Variants in RAB36 observed in about 807,000 individuals in gnomAD.
RAB36 encodes ras-related protein Rab-36.
Under a neutral mutation model 39.3 loss-of-function variants are expected in RAB36, and 33 were observed. The observed-to-expected ratio is 0.84, with a 90% CI of 0.64 to 1.12. The LOEUF (loss-of-function observed/expected upper bound fraction) is 1.12. RAB36 is among the 50% of genes most tolerant of loss of function. RAB36 has a pLI of 0.00. For synonymous variants in RAB36, 133 were observed against 140.2 expected (o/e 0.95, Z 0.36); for missense variants, 308 against 355.3 (o/e 0.87, Z 1.07).
intron 1 of RAB36, 143 bp downstream of exon 1, chr22:23,145,694 G>C (rs1031914016): frequency 1.4e-4 from 145 of 1,066,182 alleles, no homozygotes; most frequent in Non-Finnish European, 1.3e-4. Flanking sequence ...GCCCCGGGGC[G>C]TCCTCATTTC....
chr22:23,150,128 C>T lies in RAB36; in HGVS notation c.135C>T (p.Cys45=). 3 of 1,612,318 alleles carry T rather than the reference C, an allele frequency of 1.9e-6. No individual in the cohort carries two copies. Among genetic ancestry groups the T allele is most frequent in the East Asian group, 2.2e-5 (1 of 44,808 alleles). Residue 45 remains cysteine (C), a synonymous_variant, in exon 3 of 11, where the codon TGC becomes TGT. Coordinates refer to ENST00000263116, the MANE Select transcript of RAB36 (RefSeq NM_004914.5). ...TCCACGGGCAGGTCAGCGCTGCCTGCCAACGCAGGAACACGGGGACTGTCG... is the reference window on the plus strand; with the variant it reads ...TCCACGGGCAGGTCAGCGCTGCCTGTCAACGCAGGAACACGGGGACTGTCG... ...EHFHGQVSAA[C]QRRNTGTVGL...
intron 2 of RAB36, among the ~76,000 whole-genome samples, chr22:23,149,206 C>CG (rs1555946432): frequency 4.0e-5 from 1 of 25,230 alleles, no homozygotes; most frequent in Non-Finnish European, 6.6e-5. Flanking sequence ...GGGTGGGGGG[C>CG]GGGGGGCGGG....
At position 23,162,558 on chromosome 22, in the gene RAB36, C is replaced by T. The variant is rs773666968; in HGVS notation, c.*994C>T. On this transcript the variant is annotated 3_prime_UTR_variant, in exon 11 of 11. Transcript: ENST00000263116. ...TCTAGCATGTTCCTGTCTCCAACAC[C>T]GCCTCCTGCACATGCAGAGCAGACA... The T allele has an allele frequency of 2.9e-5, 13 of 443,194 alleles. No homozygotes were observed. The highest frequency in any genetic ancestry group is 6.0e-5 in the African/African-American group (3 of 49,916). The allele number at this position is 443,194 out of a possible 1,614,324, so 27.5% of individuals were successfully genotyped here.
intron 5 of RAB36, chr22:23,153,692 CTTTTTTTTTT>C (rs66463289): frequency 3.7e-6 from 1 of 273,156 alleles, no homozygotes; most frequent in Non-Finnish European, 4.5e-6. Context: ...CCACTTCTGT[CTTTTTTTTTT>C]TTTTTTTTTT....
At position 23,145,608 on chromosome 22, in the gene RAB36, A is replaced by T. The variant is rs1038700000; in HGVS notation, c.-13+57A>T. On this transcript the variant is annotated intron_variant, in intron 1 of 10. Coordinates refer to ENST00000263116, the MANE Select transcript of RAB36 (RefSeq NM_004914.5). ...CCCGGTCACCCAACCCCGTGCTGGC[A>T]CATCCCGAGGCCAGGGCCGCGAGGG... 16 of 1,541,672 alleles carry T rather than the reference A, an allele frequency of 1.0e-5. No individual in the cohort carries two copies. The Admixed American group carries it at 2.3e-4, about 22-fold the overall frequency.
At chr22:23,154,054 C>G (rs1351715558) in intron 5 of RAB36, among the ~76,000 whole-genome samples, 2 of 152,020 alleles carry the variant, frequency 1.3e-5, no homozygotes, top group African/African-American at 4.8e-5. Flanking sequence ...ACTGGCCTTA[C>G]CCCTTCCCTC....
rs768673818 is a variant in RAB36 at position 23,162,707 on chromosome 22, C to A, written c.*1143C>A. On this transcript the variant is annotated 3_prime_UTR_variant, in exon 11 of 11. Coordinates refer to ENST00000263116, the MANE Select transcript of RAB36 (RefSeq NM_004914.5). ...ACCTGGCTATGCCCACTCATCCCACCCGTCTCGTGCTGTTGCTTCCCGTAG... is the reference window on the plus strand; with the variant it reads ...ACCTGGCTATGCCCACTCATCCCACACGTCTCGTGCTGTTGCTTCCCGTAG... The A allele has an allele frequency of 6.6e-6, 3 of 456,188 alleles. No individual in the cohort carries two copies. Among genetic ancestry groups the A allele is most frequent in the Non-Finnish European group, 1.3e-5 (3 of 226,982 alleles). 28.3% of individuals were successfully genotyped at this position (456,188 alleles called of 1,614,324 possible).
At chr22:23,153,624 A>G in intron 5 of RAB36, 5 of 977,566 alleles carry the variant, frequency 5.1e-6, no homozygotes, top group Non-Finnish European at 6.0e-6. Context: ...GGTCTGAGGC[A>G]CTCGTCTTCC....
chr22:23,156,128 A>C, intron 6 of RAB36, 96 bp downstream of exon 6: 1 of 1,132,888 alleles, frequency 8.8e-7, no homozygotes, highest in Non-Finnish European at 1.3e-6. Flanking sequence ...CACAGGCACC[A>C]GTTTTTTGTC....
At chr22:23,166,135 G>T (rs2072045503), downstream of RAB36, among the ~76,000 whole-genome samples, 1 of 116,046 alleles carries the variant, frequency 8.6e-6, no homozygotes. Flanking sequence ...GACGGAGTGA[G>T]ACTCTGTCTT....
At chr22:23,149,391 G>A (rs1314586708) in intron 2 of RAB36, among the ~76,000 whole-genome samples, 3 of 152,286 alleles carry the variant, frequency 2.0e-5, no homozygotes, top group Non-Finnish European at 2.9e-5. Flanking sequence ...GGTGGGGTAC[G>A]TGCAGTTTTT....
chr22:23,150,162 T>A lies in RAB36; in HGVS notation c.161+8T>A. 1 of 1,604,994 alleles carries A rather than the reference T, an allele frequency of 6.2e-7. No individual in the cohort carries two copies. On this transcript the variant is annotated splice_region_variant and intron_variant, in intron 3 of 10. Transcript: ENST00000263116. ...GAACACGGGGACTGTCGGGTGAGCC[T>A]GCAGGGTGTGGGATGGGGGAGCAGG...
intron 1 of RAB36, 91 bp from the exon 2 acceptor site, chr22:23,146,514 G>C (rs755127307): frequency 4.9e-5 from 74 of 1,524,060 alleles, no homozygotes; most frequent in Non-Finnish European, 6.1e-5. Context: ...ACCCAGCCTG[G>C]ATCTGATGAA....
chr22:23,150,383 G>A (rs1314172658), intron 3 of RAB36, among the ~76,000 whole-genome samples: 1 of 149,806 alleles, frequency 6.7e-6, no homozygotes, highest in East Asian at 2.0e-4. Context: ...CTCACTGCAA[G>A]CTCTGCCTCC....
intron 1 of RAB36, 123 bp downstream of exon 1, chr22:23,145,674 G>T: frequency 8.6e-7 from 1 of 1,169,270 alleles, no homozygotes; most frequent in Non-Finnish European, 1.2e-6. Context: ...TAACTTGAAA[G>T]CGGCCTGCGG....
upstream of RAB36, chr22:23,145,366 A>T (rs774123828): frequency 6.2e-7 from 1 of 1,605,634 alleles, no homozygotes; most frequent in Non-Finnish European, 8.5e-7. Context: ...TCTCGTTGCT[A>T]TGGTGATCGC....
At chr22:23,167,009 C>G (rs2072064517), downstream of RAB36, among the ~76,000 whole-genome samples, 1 of 152,114 alleles carries the variant, frequency 6.6e-6, no homozygotes, top group Non-Finnish European at 1.5e-5. Flanking sequence ...CCACCCCCGC[C>G]CTGTCCCCGC....
downstream of RAB36, among the ~76,000 whole-genome samples, chr22:23,165,918 G>A (rs190815687): frequency 5.6e-4 from 85 of 152,222 alleles, no homozygotes; most frequent in Admixed American, 1.8e-3. Flanking sequence ...AGGCCAAGGC[G>A]GGCGGATCAC....
At chr22:23,157,396 G>A (rs981235806) in intron 6 of RAB36, among the ~76,000 whole-genome samples, 8 of 151,960 alleles carry the variant, frequency 5.3e-5, no homozygotes, top group African/African-American at 1.9e-4. Context: ...GACTGCAGGT[G>A]CCGGCTACCA....
Sources: allele counts gnomAD v4.1 joint callset (sites outside exome capture counted in the v4.1 genomes callset), GRCh38; gene constraint gnomAD v4.1.1; transcripts MANE v1.5; gene names NCBI Gene and HGNC (gene_info 2026-07-23, HGNC 2026-07-21).